SNX29: variants seen among roughly 807,000 people sequenced by gnomAD.
SNX29 encodes sorting nexin-29.
Under a neutral mutation model 102.1 loss-of-function variants are expected in SNX29, and 78 were observed. The observed-to-expected ratio is 0.76, with a 90% confidence interval of 0.64 to 0.92. The LOEUF is 0.92. SNX29 is among the 40% of genes least tolerant of loss of function. The pLI is 0.00. For synonymous variants in SNX29, 580 were observed against 414.5 expected (o/e 1.40, Z -4.85); for missense variants, 1,280 against 1,061.7 (o/e 1.21, Z -2.86).
chr16:12,109,101 C>T (rs952755560), intron 11 of SNX29, among the ~76,000 whole-genome samples: 11 of 121,914 alleles, frequency 9.0e-5, no homozygotes, highest in Non-Finnish European at 1.7e-4. Context: ...GCACTCCAGC[C>T]TGGGCAATAG....
chr16:12,463,507 T>C (rs2086905334), intron 18 of SNX29, among the ~76,000 whole-genome samples: 1 of 152,038 alleles, frequency 6.6e-6, no homozygotes, highest in Non-Finnish European at 1.5e-5. Flanking sequence ...AGACATCAGA[T>C]CTCATGAGAC....
At chr16:12,006,950 T>C (rs563730317) in intron 3 of SNX29, among the ~76,000 whole-genome samples, 1 of 152,286 alleles carries the variant, frequency 6.6e-6, no homozygotes, top group South Asian at 2.1e-4. Flanking sequence ...AGAAAACAGA[T>C]TCAGAGAGGC....
intron 18 of SNX29, among the ~76,000 whole-genome samples, chr16:12,407,933 T>C (rs1426638587): frequency 6.6e-6 from 1 of 152,138 alleles, no homozygotes; most frequent in African/African-American, 2.4e-5. Context: ...GGAGCTACGA[T>C]TGCATCTGTG....
At position 12,098,042 on chromosome 16, in the gene SNX29, C is replaced by T. The variant is rs1319568123; in HGVS notation, c.1402+19127C>T. ...CTTTGCCATTTACTTTGTCCGTTTC[C>T]TTATTTCCAAAAGGAGGTGAATAGC... On this transcript the variant is annotated intron_variant, in intron 11 of 20. Coordinates refer to ENST00000566228, the MANE Select transcript of SNX29 (RefSeq NM_032167.5). The surrounding 1 kb of genome is among the most constrained non-coding windows in gnomAD (Gnocchi z 6.0). Among the ~76,000 whole-genome samples the T allele has an allele frequency of 1.3e-5, 2 of 152,168 alleles. No individual in the cohort carries two copies. Among genetic ancestry groups the T allele is most frequent in the African/African-American group, 4.8e-5 (2 of 41,446 alleles).
At chr16:12,399,639 G>C (rs1406674227) in intron 17 of SNX29, among the ~76,000 whole-genome samples, 1 of 152,100 alleles carries the variant, frequency 6.6e-6, no homozygotes, top group Non-Finnish European at 1.5e-5. Context: ...GTCCTGATGC[G>C]AACCTTGCAG....
chr16:12,181,068 T>C (rs920920420), intron 13 of SNX29, among the ~76,000 whole-genome samples: 1 of 152,172 alleles, frequency 6.6e-6, no homozygotes, highest in African/African-American at 2.4e-5. Flanking sequence ...TGAGAGTCAG[T>C]GGAGGTGGGC....
intron 14 of SNX29, among the ~76,000 whole-genome samples, chr16:12,227,886 C>A (rs535999086): frequency 1.7e-5 from 2 of 114,402 alleles, no homozygotes; most frequent in African/African-American, 6.9e-5. Context: ...GGCAACAGAG[C>A]GAGACTCTGT....
rs114756325 is a variant in SNX29 at position 12,356,148 on chromosome 16, G to C, written c.1783-15G>C. 1 of 1,608,176 alleles carries C rather than the reference G, an allele frequency of 6.2e-7. No homozygotes were observed. Reference sequence around the variant, plus strand: ...GTCTGCCTCTAAGCCTCACCTTTCCGTGCTTGTGTTCCAGGTGGCAGAGAT... The same window carrying C: ...GTCTGCCTCTAAGCCTCACCTTTCCCTGCTTGTGTTCCAGGTGGCAGAGAT... On this transcript the variant is annotated splice_polypyrimidine_tract_variant and intron_variant, in intron 15 of 20. Coordinates refer to ENST00000566228, the MANE Select transcript of SNX29 (RefSeq NM_032167.5).
intron 13 of SNX29, among the ~76,000 whole-genome samples, chr16:12,177,919 A>C (rs948894152): frequency 1.3e-5 from 2 of 152,126 alleles, no homozygotes; most frequent in African/African-American, 4.8e-5. Context: ...CTCTGTGCCT[A>C]GATATGATAG....
At chr16:12,559,712 T>A (rs1239598500) in intron 20 of SNX29, among the ~76,000 whole-genome samples, 2 of 152,104 alleles carry the variant, frequency 1.3e-5, no homozygotes, top group Admixed American at 6.6e-5. Flanking sequence ...TCTCCCATGG[T>A]GAGAACACCA....
At chr16:12,059,298 C>T (rs926174876) in intron 8 of SNX29, among the ~76,000 whole-genome samples, 1 of 152,230 alleles carries the variant, frequency 6.6e-6, no homozygotes, top group Non-Finnish European at 1.5e-5. Context: ...GCGCCCCTGA[C>T]CACCTCTGGG....
chr16:12,260,479 G>T (rs1021719478), intron 14 of SNX29, among the ~76,000 whole-genome samples: 3 of 151,966 alleles, frequency 2.0e-5, no homozygotes, highest in Admixed American at 2.0e-4. Flanking sequence ...CATGTTATCT[G>T]TTGTTGTCTA....
At chr16:12,126,778 G>A in intron 12 of SNX29, 82 bp downstream of exon 12, 1 of 1,517,126 alleles carries the variant, frequency 6.6e-7, no homozygotes, top group Non-Finnish European at 9.0e-7. Context: ...ACAGATGAGG[G>A]ACATTTTGCT....
rs1598059588 is a variant in SNX29 at position 12,561,005 on chromosome 16, C to G, written c.2319-7501C>G. 1.4e-5 allele frequency: 3 copies of G among 217,454 alleles called. No individual in the cohort carries two copies. In the East Asian group the frequency reaches 2.0e-4, roughly 15 times the overall value. The allele number at this position is 217,454 out of a possible 1,614,324, so 13.5% of individuals were successfully genotyped here. The stretch of plus-strand genomic sequence containing the variant: ...GGTACTGCCAGAGCCATTTCTGGAT[C>G]AGTTGTGGATGGTGGAAGTCTTGGA... On this transcript the variant is annotated intron_variant, in intron 20 of 20. Transcript: ENST00000566228.
intron 15 of SNX29, among the ~76,000 whole-genome samples, chr16:12,310,118 A>G (rs1172123459): frequency 3.6e-5 from 1 of 27,748 alleles, no homozygotes; most frequent in Non-Finnish European, 8.8e-5. Flanking sequence ...ATACACGTGC[A>G]CGCACACATG....
chr16:12,564,747 GTC>G (rs1225662255), intron 20 of SNX29, among the ~76,000 whole-genome samples: 8 of 151,912 alleles, frequency 5.3e-5, no homozygotes, highest in African/African-American at 1.7e-4. Context: ...CCTAACAACT[GTC>G]TGCTTCTTGG....
At position 11,991,963 on chromosome 16, in the gene SNX29, A is replaced by G. The variant is rs533860286; in HGVS notation, c.8-7334A>G. On this transcript the variant is annotated intron_variant, in intron 1 of 20. Transcript: ENST00000566228. ...TGTAGTTGTTCCTTAGAATAGGAACATTTTCTCAGCCAACATCTACCTGTT... is the reference window on the plus strand; with the variant it reads ...TGTAGTTGTTCCTTAGAATAGGAACGTTTTCTCAGCCAACATCTACCTGTT... Among the ~76,000 whole-genome samples, 3 of 152,168 alleles carry G rather than the reference A, an allele frequency of 2.0e-5. No individual in the cohort carries two copies. In the East Asian group the frequency reaches 5.8e-4, roughly 29 times the overall value.
chr16:12,542,704 G>C (rs991568445), intron 20 of SNX29, among the ~76,000 whole-genome samples: 1 of 151,962 alleles, frequency 6.6e-6, no homozygotes, highest in Admixed American at 6.6e-5. Context: ...GGCTGGTGTT[G>C]GTCCCAGTCT....
chr16:12,418,813 C>T (rs2084755204), intron 18 of SNX29, among the ~76,000 whole-genome samples: 1 of 152,226 alleles, frequency 6.6e-6, no homozygotes, highest in Non-Finnish European at 1.5e-5. Context: ...CAGCACCTGG[C>T]CATGTTTCCA....
Sources: allele counts gnomAD v4.1 joint callset (sites outside exome capture counted in the v4.1 genomes callset), GRCh38; gene constraint gnomAD v4.1.1; non-coding constraint Gnocchi (gnomAD v3.1); transcripts MANE v1.5; gene names NCBI Gene and HGNC (gene_info 2026-07-23, HGNC 2026-07-21).